KRCC1: variants seen among roughly 807,000 people sequenced by gnomAD.
The protein encoded by KRCC1 is lysine-rich coiled-coil protein 1.
Under a neutral mutation model 7.4 loss-of-function variants are expected in KRCC1, and 3 were observed. The ratio of observed to expected loss-of-function variants is 0.40; its 90% CI spans 0.18 to 1.04. KRCC1 has a LOEUF of 1.04. KRCC1 is among the 50% of genes least tolerant of loss of function. KRCC1 has a pLI of 0.33. For synonymous variants in KRCC1, 102 were observed against 101.6 expected (o/e 1.00, Z -0.02); for missense variants, 277 against 300.9 (o/e 0.92, Z 0.59).
chr2:88,041,800 T>C (rs1673216441), intron 1 of KRCC1, among the ~76,000 whole-genome samples: 1 of 152,236 alleles, frequency 6.6e-6, no homozygotes, highest in South Asian at 2.1e-4. Flanking sequence ...GTGATTGTTG[T>C]GGAGTAAAGT....
rs533133230 is a variant in KRCC1 at position 88,039,545 on chromosome 2, G to A, written c.-290-2494C>T. Among the ~76,000 whole-genome samples, 19 of 151,908 alleles carry A rather than the reference G, an allele frequency of 1.3e-4. No individual in the cohort carries two copies. In the East Asian group the frequency reaches 2.9e-3, roughly 23 times the overall value. On this transcript the variant is annotated intron_variant, in intron 1 of 3. Transcript: ENST00000347055. ...CTACTAAAAATACAAAAAATTAGCC[G>A]GGCATGTTGGCACATGCCTGTAATC...
At chr2:88,055,351 A>G (rs1054679749) in intron 1 of KRCC1, among the ~76,000 whole-genome samples, 1 of 151,858 alleles carries the variant, frequency 6.6e-6, no homozygotes, top group Non-Finnish European at 1.5e-5. Context: ...CTCCGGGTCT[A>G]GATTTCCTCT....
chr2:88,028,343 G>A lies in KRCC1; in HGVS notation c.221C>T (p.Ser74Leu). The change falls in exon 4 of 4, where the codon TCA becomes TTA. Residue 74 changes from serine (S) to leucine (L), a missense_variant. Ser to Leu is a moderately radical substitution (Grantham distance 145, BLOSUM62 -2). Coordinates refer to ENST00000347055, the MANE Select transcript of KRCC1 (RefSeq NM_016618.3). ...TTCCACTGTTTGTGGAATATTGCAT[G>A]ATCTTGGGTAGGTCTGGATGGTTTC... Reference protein sequence around the residue: ...PSETIQTYPRSCNIPQTVENR... With the variant: ...PSETIQTYPRLCNIPQTVENR... 6.2e-7 allele frequency: 1 copy of A among 1,614,164 alleles called. No individual in the cohort carries two copies. The highest frequency in any genetic ancestry group is 8.5e-7 in the Non-Finnish European group (1 of 1,180,042).
chr2:88,030,870 T>C (rs538951111), intron 3 of KRCC1, among the ~76,000 whole-genome samples: 1 of 152,286 alleles, frequency 6.6e-6, no homozygotes, highest in South Asian at 2.1e-4. Flanking sequence ...GAATATATGA[T>C]GGTGGTCCCA....
At chr2:88,043,516 C>T (rs1673259534) in intron 1 of KRCC1, among the ~76,000 whole-genome samples, 1 of 152,172 alleles carries the variant, frequency 6.6e-6, no homozygotes, top group South Asian at 2.1e-4. Flanking sequence ...AGAAACTAGG[C>T]ATGGCATGAC....
intron 1 of KRCC1, among the ~76,000 whole-genome samples, chr2:88,049,464 G>A (rs545412588): frequency 2.2e-4 from 33 of 152,272 alleles, no homozygotes; most frequent in African/African-American, 6.5e-4. Context: ...TAGGCAACAT[G>A]GTGAAACCCC....
intron 1 of KRCC1, among the ~76,000 whole-genome samples, chr2:88,052,454 C>T (rs979719105): frequency 6.6e-6 from 1 of 152,218 alleles, no homozygotes; most frequent in Non-Finnish European, 1.5e-5. Context: ...ATGTCTTTTG[C>T]ATATCTGCAT....
intron 1 of KRCC1, among the ~76,000 whole-genome samples, chr2:88,046,412 G>A (rs1558835942): frequency 6.6e-6 from 1 of 152,218 alleles, no homozygotes; most frequent in Non-Finnish European, 1.5e-5. Flanking sequence ...GGTAAGTGCT[G>A]TATGGATGAA....
Position 88,050,145 on chromosome 2 carries a change from T to C in KRCC1, c.-291+5481A>G, listed in dbSNP as rs368806018. The stretch of plus-strand genomic sequence containing the variant: ...CAGGAACTCAAAAATGTTTTCTGAA[T>C]AAACTTAAGAAGGGTTATTAGCTAG... On this transcript the variant is annotated intron_variant, in intron 1 of 3. Transcript: ENST00000347055. 7.5e-4 allele frequency among the ~76,000 whole-genome samples: 115 copies of C among 152,346 alleles called. 1 individual carries two copies. Among genetic ancestry groups the C allele is most frequent in the South Asian group, 6.2e-4 (3 of 4,830 alleles).
chr2:88,048,433 T>C (rs1673393962), intron 1 of KRCC1, among the ~76,000 whole-genome samples: 1 of 152,132 alleles, frequency 6.6e-6, no homozygotes, highest in African/African-American at 2.4e-5. Context: ...AGAAGGCCTA[T>C]GAATGCAGTT....
At chr2:88,054,563 T>G (rs1204452109) in intron 1 of KRCC1, among the ~76,000 whole-genome samples, 6 of 152,128 alleles carry the variant, frequency 3.9e-5, no homozygotes, top group Admixed American at 2.0e-4. Context: ...AATTCCCAGA[T>G]AGGAGACACA....
chr2:88,038,780 T>C (rs918067798), intron 1 of KRCC1, among the ~76,000 whole-genome samples: 1 of 152,138 alleles, frequency 6.6e-6, no homozygotes, highest in Non-Finnish European at 1.5e-5. Flanking sequence ...AAAAGCCCCT[T>C]ATAAAACCAT....
chr2:88,035,985 G>T (rs1392816045), intron 2 of KRCC1, among the ~76,000 whole-genome samples: 1 of 152,168 alleles, frequency 6.6e-6, no homozygotes, highest in Non-Finnish European at 1.5e-5. Context: ...TAATGGTGGA[G>T]TCAAGGCTTG....
At chr2:88,051,442 T>TA (rs1320349217) in intron 1 of KRCC1, among the ~76,000 whole-genome samples, 2 of 152,208 alleles carry the variant, frequency 1.3e-5, no homozygotes, top group African/African-American at 2.4e-5. Flanking sequence ...AACAAAGTCT[T>TA]AAAAAAATTC....
chr2:88,047,502 T>A (rs1194742910), intron 1 of KRCC1, among the ~76,000 whole-genome samples: 1 of 152,336 alleles, frequency 6.6e-6, no homozygotes, highest in Admixed American at 6.5e-5. Context: ...TGACCTGTTG[T>A]GATAATGGCA....
chr2:88,028,540 A>G lies in KRCC1; in HGVS notation c.24T>C (p.Tyr8=), dbSNP rs756253005. The G allele has an allele frequency of 6.2e-6, 10 of 1,611,526 alleles. No individual in the cohort carries two copies. The highest frequency in any genetic ancestry group is 4.5e-5 in the East Asian group (2 of 44,860). Residue 8 remains tyrosine, a synonymous_variant, in exon 4 of 4, where the codon TAT becomes TAC. Transcript: ENST00000347055. ...CTTCAAGTTCATCTTGAAAAGAGTC[A>G]TATGTCTTCTTTGAATGCTTCATTA... MKHSKKT[Y]DSFQDELEDY...
chr2:88,035,702 A>G (rs1036035863), intron 2 of KRCC1, among the ~76,000 whole-genome samples: 6 of 152,168 alleles, frequency 3.9e-5, no homozygotes, highest in Non-Finnish European at 7.4e-5. Flanking sequence ...TTCAGAACAC[A>G]GTTATGAATG....
In KRCC1 at chr2:88,037,053, T is replaced by C. The variant is rs897837976; in HGVS notation, c.-290-2A>G. The C allele has an allele frequency of 1.3e-5, 2 of 152,206 alleles. No homozygotes were observed. Among genetic ancestry groups the C allele is most frequent in the African/African-American group, 4.8e-5 (2 of 41,446 alleles). 9.4% of individuals were successfully genotyped at this position (152,206 alleles called of 1,614,324 possible). On this transcript the variant is annotated splice_acceptor_variant, in intron 1 of 3. Coordinates refer to ENST00000347055, the MANE Select transcript of KRCC1 (RefSeq NM_016618.3). LOFTEE classifies it low-confidence loss of function (5UTR_SPLICE). The stretch of plus-strand genomic sequence containing the variant: ...GTCTTTGTTCATTCAATGTGGTATC[T>C]ATCAATAAAAGAGAGGTAAGACAGA...
intron 3 of KRCC1, among the ~76,000 whole-genome samples, chr2:88,033,899 C>T (rs927633259): frequency 1.3e-5 from 2 of 152,184 alleles, no homozygotes; most frequent in South Asian, 2.1e-4. Context: ...CACAGCAGCA[C>T]TATTCATTAC....
Sources: gnomAD v4.1 joint callset for allele counts (sites outside exome capture counted in the v4.1 genomes callset) on GRCh38, gnomAD v4.1.1 for gene constraint, MANE v1.5 for transcripts, NCBI Gene and HGNC (gene_info 2026-07-23, HGNC 2026-07-21) for gene names.